PDCD1LG2: variants seen among roughly 807,000 people sequenced by gnomAD.
PDCD1LG2 encodes the protein programmed cell death 1 ligand 2.
In PDCD1LG2, 32 loss-of-function variants were observed where a neutral mutation model predicts 28.2. The ratio of observed to expected loss-of-function variants is 1.13; its 90% CI spans 0.86 to 1.52. PDCD1LG2 has a LOEUF of 1.52. PDCD1LG2 is among the 40% of genes most tolerant of loss of function. The pLI is 0.00. For synonymous variants in PDCD1LG2, 116 were observed against 120.2 expected (o/e 0.97, Z 0.23); for missense variants, 385 against 323.8 (o/e 1.19, Z -1.45).
intron 2 of PDCD1LG2, among the ~76,000 whole-genome samples, chr9:5,527,189 A>G (rs1820396075): frequency 6.6e-6 from 1 of 152,230 alleles, no homozygotes; most frequent in Admixed American, 6.5e-5. Context: ...ATATACCATA[A>G]CATTTATTCT....
At chr9:5,535,239 G>A (rs2129798984) in intron 3 of PDCD1LG2, among the ~76,000 whole-genome samples, 189 bp downstream of exon 3, 1 of 152,318 alleles carries the variant, frequency 6.6e-6, no homozygotes, top group African/African-American at 2.4e-5. Context: ...AGCAGCCGAA[G>A]TACAAGTGAA....
At chr9:5,544,779 G>A (rs1321141346) in intron 3 of PDCD1LG2, among the ~76,000 whole-genome samples, 1 of 152,168 alleles carries the variant, frequency 6.6e-6, no homozygotes, top group Non-Finnish European at 1.5e-5. Context: ...GTGCTAAGGG[G>A]TCTGTTATTC....
intron 3 of PDCD1LG2, among the ~76,000 whole-genome samples, chr9:5,539,918 T>C (rs557867245): frequency 9.8e-5 from 15 of 152,316 alleles, no homozygotes; most frequent in African/African-American, 3.1e-4. Flanking sequence ...CAGAACATTC[T>C]ACCCAACAAT....
At chr9:5,557,166 A>T (rs889988097) in intron 4 of PDCD1LG2, among the ~76,000 whole-genome samples, 5 of 152,102 alleles carry the variant, frequency 3.3e-5, no homozygotes, top group African/African-American at 1.2e-4. Context: ...GGGCTGAGAG[A>T]CTTTGCCACT....
At chr9:5,550,697 C>CTTTT (rs1816312727) in intron 4 of PDCD1LG2, among the ~76,000 whole-genome samples, 1 of 139,440 alleles carries the variant, frequency 7.2e-6, no homozygotes, top group African/African-American at 2.8e-5. Flanking sequence ...CTCTCTCTCT[C>CTTTT]TCTTTTTTTT....
intron 2 of PDCD1LG2, among the ~76,000 whole-genome samples, chr9:5,525,987 C>T (rs1009326081): frequency 3.4e-5 from 5 of 146,412 alleles, no homozygotes; most frequent in Admixed American, 7.1e-5. Context: ...TCGGAGGTGG[C>T]GGTGAGCCAA....
intron 2 of PDCD1LG2, among the ~76,000 whole-genome samples, chr9:5,531,185 C>A (rs1010177383): frequency 3.3e-5 from 5 of 152,204 alleles, no homozygotes; most frequent in Non-Finnish European, 5.9e-5. Flanking sequence ...AAGATTGAGG[C>A]CCTCTGCTTA....
chr9:5,539,993 C>T (rs750013796), intron 3 of PDCD1LG2, among the ~76,000 whole-genome samples: 12 of 152,070 alleles, frequency 7.9e-5, no homozygotes, highest in Non-Finnish European at 1.5e-4. Flanking sequence ...TATAGTAGGC[C>T]ACAAAACAAG....
At chr9:5,554,960 T>G (rs1003971631) in intron 4 of PDCD1LG2, among the ~76,000 whole-genome samples, 1 of 152,132 alleles carries the variant, frequency 6.6e-6, no homozygotes. Context: ...GAGGATTAAA[T>G]GAAATGTGCT....
At chr9:5,554,837 C>T (rs978723019) in intron 4 of PDCD1LG2, among the ~76,000 whole-genome samples, 6 of 152,176 alleles carry the variant, frequency 3.9e-5, no homozygotes, top group Non-Finnish European at 7.4e-5. Context: ...AAATTTCAAA[C>T]TCTCTCTCTA....
At chr9:5,546,323 C>T (rs1816204917) in intron 3 of PDCD1LG2, among the ~76,000 whole-genome samples, 1 of 152,160 alleles carries the variant, frequency 6.6e-6, no homozygotes. Flanking sequence ...TGTTCTTGTT[C>T]TACTTCATTC....
At chr9:5,567,356 C>T (rs1175623995) in intron 6 of PDCD1LG2, among the ~76,000 whole-genome samples, 1 of 152,230 alleles carries the variant, frequency 6.6e-6, no homozygotes, top group Non-Finnish European at 1.5e-5. Flanking sequence ...CCCACTGAGT[C>T]CTTGTCTGTG....
chr9:5,542,252 C>A (rs893530489), intron 3 of PDCD1LG2, among the ~76,000 whole-genome samples: 1 of 152,124 alleles, frequency 6.6e-6, no homozygotes, highest in Non-Finnish European at 1.5e-5. Flanking sequence ...CGAAAAAGCC[C>A]TTCTAGACAT....
At chr9:5,527,853 G>A (rs1003491417) in intron 2 of PDCD1LG2, among the ~76,000 whole-genome samples, 1 of 151,540 alleles carries the variant, frequency 6.6e-6, no homozygotes, top group Admixed American at 6.6e-5. Context: ...TTTTGAGACA[G>A]AGTTTCGCTC....
At chr9:5,531,903 T>G (rs1301982347) in intron 2 of PDCD1LG2, among the ~76,000 whole-genome samples, 3 of 152,230 alleles carry the variant, frequency 2.0e-5, no homozygotes, top group Admixed American at 6.5e-5. Flanking sequence ...ATATGATTAC[T>G]ACATATTTGA....
chr9:5,539,649 C>G (rs1820652006), intron 3 of PDCD1LG2, among the ~76,000 whole-genome samples: 1 of 152,136 alleles, frequency 6.6e-6, no homozygotes, highest in South Asian at 2.1e-4. Context: ...GGCCAAAGAA[C>G]AGAGAGGCCC....
chr9:5,541,968 C>G (rs145086896), intron 3 of PDCD1LG2, among the ~76,000 whole-genome samples: 1 of 152,210 alleles, frequency 6.6e-6, no homozygotes, highest in East Asian at 1.9e-4. Context: ...CAGCATAATA[C>G]TAGTATAAAA....
chr9:5,534,893 A>G lies in PDCD1LG2; in HGVS notation c.204A>G (p.Pro68=), dbSNP rs774642766. Residue 68 remains proline (P), a synonymous_variant, in exon 3 of 7, where the codon CCA becomes CCG. Transcript: ENST00000397747. ...AAAAGGTGGAAAATGATACATCCCCACACCGTGAAAGAGCCACTTTGCTGG... is the reference window on the plus strand; with the variant it reads ...AAAAGGTGGAAAATGATACATCCCCGCACCGTGAAAGAGCCACTTTGCTGG... ...SLQKVENDTS[P]HRERATLLEE... is the part of the protein sequence containing the mutation. 8.7e-6 allele frequency: 14 copies of G among 1,614,166 alleles called. No individual in the cohort carries two copies. In the East Asian group the frequency reaches 3.1e-4, roughly 36 times the overall value.
In PDCD1LG2 at chr9:5,569,896, T is replaced by G; in HGVS notation, c.817-58T>G. Reference sequence around the variant, plus strand: ...GTTCCTCACTCAAATTTTGGGGAGGTTATATATTTTCTAATCATAAAAAAT... The same window carrying G: ...GTTCCTCACTCAAATTTTGGGGAGGGTATATATTTTCTAATCATAAAAAAT... On this transcript the variant is annotated intron_variant, in intron 6 of 6. Transcript: ENST00000397747. This position sits in a 1 kb window ranked among gnomAD's most constrained non-coding sequence, Gnocchi z 4.1. The G allele has an allele frequency of 6.4e-7, 1 of 1,567,342 alleles. No homozygotes were observed. The highest frequency in any genetic ancestry group is 8.8e-7 in the Non-Finnish European group (1 of 1,139,566).
Sources: gnomAD v4.1 joint callset for allele counts (sites outside exome capture counted in the v4.1 genomes callset) on GRCh38, gnomAD v4.1.1 for gene constraint, Gnocchi (gnomAD v3.1) non-coding constraint, MANE v1.5 for transcripts, NCBI Gene and HGNC (gene_info 2026-07-23, HGNC 2026-07-21) for gene names.